PCDHA6: variants seen among roughly 807,000 people sequenced by gnomAD.
The protein encoded by PCDHA6 is protocadherin alpha 6.
In PCDHA6, 55 loss-of-function variants were observed where a neutral mutation model predicts 60.3. The observed-to-expected ratio is 0.91, with a 90% CI of 0.73 to 1.14. The LOEUF (loss-of-function observed/expected upper bound fraction) is 1.14. Among genes scored for constraint, PCDHA6 ranks in the 50% most tolerant of loss-of-function variants. The pLI, the probability that PCDHA6 is intolerant of heterozygous loss-of-function variation, is 0.00. For synonymous variants in PCDHA6, 652 were observed against 557.9 expected (o/e 1.17, Z -2.38); for missense variants, 1,327 against 1,256.5 (o/e 1.06, Z -0.85).
intron 1 of PCDHA6, chr5:140,836,574 G>T: frequency 6.2e-7 from 1 of 1,613,706 alleles, no homozygotes; most frequent in Non-Finnish European, 8.5e-7. Flanking sequence ...CTCTGAGGGC[G>T]CATGTAGTTT....
At chr5:140,995,491 AG>A (rs1467871177) in intron 3 of PCDHA6, among the ~76,000 whole-genome samples, 5 of 152,224 alleles carry the variant, frequency 3.3e-5, no homozygotes, top group Non-Finnish European at 5.9e-5. Context: ...TTTCAGACTA[AG>A]GTTGACTGTG....
At chr5:140,858,899 C>T (rs1236968449) in intron 1 of PCDHA6, 4 of 203,942 alleles carry the variant, frequency 2.0e-5, no homozygotes, top group Non-Finnish European at 3.0e-5. Flanking sequence ...ATATGTGTAG[C>T]GTACCACAGC....
At chr5:140,876,672 C>T in intron 1 of PCDHA6, 1 of 1,614,208 alleles carries the variant, frequency 6.2e-7, no homozygotes, top group Non-Finnish European at 8.5e-7. Context: ...TGGTGTCCAC[C>T]TACAAGAATT....
rs2150432848 is a variant in PCDHA6, at chr5:140,849,209, T to C, written c.2394+18724T>C. On this transcript the variant is annotated intron_variant, in intron 1 of 3. Coordinates refer to ENST00000529310, the MANE Select transcript of PCDHA6 (RefSeq NM_018909.4). ...TCACGGTACTGGACAACAATGACAA[T>C]GCCCCAGTGTTCGACAGAACCCTGT... 32 of 1,032,540 alleles carry C rather than the reference T, an allele frequency of 3.1e-5. 2 individuals carry two copies. In the African/African-American group the frequency reaches 5.7e-4, roughly 18 times the overall value. The allele number at this position is 1,032,540 out of a possible 1,614,324, so 64.0% of individuals were successfully genotyped here. A position where few individuals can be genotyped will look rare whatever the true frequency, so the allele number is the denominator to read the frequency against.
chr5:140,924,895 AAAAAAAAAAATAAAATAAAAT>A (rs1361418672), intron 1 of PCDHA6, among the ~76,000 whole-genome samples: 1,915 of 132,218 alleles, frequency 0.014, 23 homozygotes, highest in Admixed American at 0.024. Context: ...AACCTGTCTC[AAAAAAAAAAATAAAATAAAAT>A]AAAATAAAAT....
intron 1 of PCDHA6, chr5:140,877,085 G>T: frequency 6.2e-7 from 1 of 1,613,214 alleles, no homozygotes; most frequent in Non-Finnish European, 8.5e-7. Context: ...GTGAGCGCGC[G>T]CGACGCCGGC....
At chr5:140,935,760 T>C (rs1320272382) in intron 1 of PCDHA6, among the ~76,000 whole-genome samples, 1 of 152,152 alleles carries the variant, frequency 6.6e-6, no homozygotes, top group Non-Finnish European at 1.5e-5. Flanking sequence ...TACACATTCT[T>C]CCCCACTTTG....
chr5:140,900,312 T>C (rs902600593), intron 1 of PCDHA6, among the ~76,000 whole-genome samples: 1 of 151,284 alleles, frequency 6.6e-6, no homozygotes, highest in African/African-American at 2.4e-5. Flanking sequence ...AGTCTCACTT[T>C]TGTCGCCCAG....
At chr5:140,972,829 A>T (rs1554234573) in intron 1 of PCDHA6, among the ~76,000 whole-genome samples, 2 of 151,928 alleles carry the variant, frequency 1.3e-5, no homozygotes, top group African/African-American at 4.8e-5. Flanking sequence ...ACGCCTGGCT[A>T]ATTTTTGTAT....
Position 140,829,791 on chromosome 5 carries a change from C to G in PCDHA6, c.1700C>G (p.Ala567Gly). ...DENDNAPALL[A>G]PRVGGTGGAV... ...AACGACAACGCGCCGGCGCTGCTGGCGCCTCGGGTGGGTGGTACTGGTGGT... is the reference window on the plus strand; with the variant it reads ...AACGACAACGCGCCGGCGCTGCTGGGGCCTCGGGTGGGTGGTACTGGTGGT... Residue 567 changes from alanine to glycine, a missense_variant, in exon 1 of 4, where the codon GCG becomes GGG. Ala to Gly is a moderately conservative substitution (Grantham distance 60). Coordinates refer to ENST00000529310, the MANE Select transcript of PCDHA6 (RefSeq NM_018909.4). 6.2e-7 allele frequency: 1 copy of G among 1,613,788 alleles called. No homozygotes were observed. Among genetic ancestry groups the G allele is most frequent in the Non-Finnish European group, 8.5e-7 (1 of 1,179,854 alleles).
chr5:140,828,125 C>T lies in PCDHA6; in HGVS notation c.34C>T (p.Gln12Ter), dbSNP rs1769542170. ...TACCCCGGAGGATAGATTGGGAAAG[C>T]AATGTCTGCTCCTCCCGCTTCTGCT... is the stretch of plus-strand genomic sequence containing the variant. ...VFTPEDRLGK[Q>*]CLLLPLLLLA... Residue 12 changes from glutamine (Q) to a stop codon, truncating the protein, a stop_gained, in exon 1 of 4, where the codon CAA (glutamine) becomes TAA (stop). Transcript: ENST00000529310. LOFTEE classifies it high-confidence loss of function. 2 of 1,613,046 alleles carry T rather than the reference C, an allele frequency of 1.2e-6. No homozygotes were observed. The highest frequency in any genetic ancestry group is 4.5e-5 in the East Asian group (2 of 44,882).
intron 1 of PCDHA6, chr5:140,864,039 A>G (rs1287126881): frequency 6.5e-6 from 1 of 152,908 alleles, no homozygotes; most frequent in Non-Finnish European, 1.5e-5. Context: ...CATCTTAATC[A>G]CTTTTTACTA....
intron 1 of PCDHA6, among the ~76,000 whole-genome samples, chr5:140,962,524 G>T (rs1410879766): frequency 6.6e-6 from 1 of 152,012 alleles, no homozygotes; most frequent in Non-Finnish European, 1.5e-5. Flanking sequence ...TAATATATTA[G>T]TTTTTTAGAA....
At chr5:140,909,866 A>G (rs1203006388) in intron 1 of PCDHA6, among the ~76,000 whole-genome samples, 2 of 152,212 alleles carry the variant, frequency 1.3e-5, no homozygotes, top group African/African-American at 2.4e-5. Context: ...CCTGGAGTCA[A>G]CGTCAGCTTA....
intron 1 of PCDHA6, among the ~76,000 whole-genome samples, chr5:140,897,322 A>C (rs1407696399): frequency 7.4e-6 from 1 of 134,448 alleles, no homozygotes; most frequent in Non-Finnish European, 1.6e-5. Context: ...TCCTAAAGCT[A>C]TCCCTCCCCC....
intron 1 of PCDHA6, among the ~76,000 whole-genome samples, chr5:140,933,279 C>T (rs992723234): frequency 6.6e-6 from 1 of 151,840 alleles, no homozygotes; most frequent in African/African-American, 2.4e-5. Flanking sequence ...TCATTTGGAA[C>T]TTGTTTTGGA....
At chr5:140,841,910 A>C (rs2150325342) in intron 1 of PCDHA6, 2 of 1,613,928 alleles carry the variant, frequency 1.2e-6, no homozygotes, top group Admixed American at 3.3e-5. Context: ...GCTCGTATTA[A>C]GAAAATCCTT....
At chr5:140,966,732 G>A in intron 1 of PCDHA6, 1 of 1,415,600 alleles carries the variant, frequency 7.1e-7, no homozygotes, top group South Asian at 1.6e-5. Flanking sequence ...GCCGCCTCCG[G>A]CCCTGCCCGG....
intron 1 of PCDHA6, among the ~76,000 whole-genome samples, chr5:140,838,385 A>G (rs1344951461): frequency 2.0e-5 from 3 of 151,298 alleles, no homozygotes; most frequent in Admixed American, 6.6e-5. Flanking sequence ...CAGCCTCCCA[A>G]TGTGCTGGGA....
Sources: allele counts gnomAD v4.1 joint callset (sites outside exome capture counted in the v4.1 genomes callset), GRCh38; gene constraint gnomAD v4.1.1; transcripts MANE v1.5; gene names NCBI Gene and HGNC (gene_info 2026-07-23, HGNC 2026-07-21).